AFF3: variants seen among roughly 807,000 people sequenced by gnomAD.
AFF3 encodes AF4/FMR2 family member 3.
In AFF3, 32 loss-of-function variants were observed where a neutral mutation model predicts 129.7. That is an observed-to-expected ratio of 0.25 (90% CI 0.19 to 0.33). The LOEUF (loss-of-function observed/expected upper bound fraction) is 0.33, where lower values mean the gene tolerates loss of function less well. AFF3 is among the 10% of genes least tolerant of loss of function. The probability of loss-of-function intolerance (pLI) is 1.00; values close to 1 mark genes in which losing one functional copy is unlikely to be tolerated. For synonymous variants in AFF3, 644 were observed against 635.4 expected, an observed-to-expected ratio of 1.01 and a Z score of -0.20; for missense variants, 1,373 against 1,592.0, an observed-to-expected ratio of 0.86 and a Z score of 2.34.
intron 7 of AFF3, among the ~76,000 whole-genome samples, chr2:99,929,607 A>G (rs1297697485): frequency 3.9e-5 from 6 of 152,198 alleles, no homozygotes; most frequent in South Asian, 2.1e-4. Flanking sequence ...TATTCAACAC[A>G]TATCTTTTTA....
In AFF3 at chr2:99,671,791, GA is replaced by G. The variant is rs554298208; in HGVS notation, c.1143+746del. Among the ~76,000 whole-genome samples the G allele has an allele frequency of 2.0e-5, 3 of 152,274 alleles. No homozygotes were observed. The East Asian group carries it at 5.8e-4, about 29-fold the overall frequency. ...ATGAGAAAAAGAAAACAGAAGTGTA[GA>G]AAAATCTGTCTTTAGTGTTTTTAAA... On this transcript the variant is annotated intron_variant, in intron 12 of 24. Coordinates refer to ENST00000672756, the MANE Select transcript of AFF3 (RefSeq NM_001386135.1).
chr2:99,801,862 A>G (rs1685969417), intron 8 of AFF3, among the ~76,000 whole-genome samples: 1 of 152,188 alleles, frequency 6.6e-6, no homozygotes, highest in Non-Finnish European at 1.5e-5. Flanking sequence ...GCCAAGTTCC[A>G]TTATTTTCTG....
At chr2:100,020,304 A>G (rs1176181091) in intron 4 of AFF3, among the ~76,000 whole-genome samples, 1 of 151,482 alleles carries the variant, frequency 6.6e-6, no homozygotes, top group African/African-American at 2.4e-5. Flanking sequence ...TCTGCTTGCC[A>G]TTTTTCCCTC....
At chr2:99,870,306 T>C (rs1379106385) in intron 7 of AFF3, among the ~76,000 whole-genome samples, 1 of 152,226 alleles carries the variant, frequency 6.6e-6, no homozygotes, top group Non-Finnish European at 1.5e-5. Context: ...GTTGGCTATC[T>C]GGACAACCTG....
At chr2:99,739,253 T>C (rs996362739) in intron 10 of AFF3, among the ~76,000 whole-genome samples, 1 of 152,070 alleles carries the variant, frequency 6.6e-6, no homozygotes, top group African/African-American at 2.4e-5. Context: ...CTAAAACTTG[T>C]TCCTGTCTGA....
chr2:99,988,414 C>T (rs1326750866), intron 7 of AFF3, among the ~76,000 whole-genome samples: 1 of 152,098 alleles, frequency 6.6e-6, no homozygotes, highest in Non-Finnish European at 1.5e-5. Context: ...GTATAGTGTA[C>T]CTGGCACAGC....
intron 7 of AFF3, among the ~76,000 whole-genome samples, chr2:99,961,675 C>T (rs1464935613): frequency 6.6e-6 from 1 of 152,266 alleles, no homozygotes; most frequent in East Asian, 1.9e-4. Context: ...GAAAATACCA[C>T]AAGGGGCAGC....
At chr2:99,554,067 G>T (rs1035138265) in intron 24 of AFF3, among the ~76,000 whole-genome samples, 1 of 152,158 alleles carries the variant, frequency 6.6e-6, no homozygotes, top group African/African-American at 2.4e-5. Flanking sequence ...AACAACAGGG[G>T]AATGGTTTGA....
chr2:99,871,803 G>A (rs547964905), intron 7 of AFF3, among the ~76,000 whole-genome samples: 8 of 152,198 alleles, frequency 5.3e-5, no homozygotes, highest in African/African-American at 1.9e-4. Context: ...TGGGTGATGG[G>A]TTTAGTTGCA....
chr2:99,701,982 A>G (rs1428915203), intron 11 of AFF3, among the ~76,000 whole-genome samples: 2 of 152,222 alleles, frequency 1.3e-5, no homozygotes. Context: ...TCCAAGTTGT[A>G]TGTATTAACC....
At chr2:99,961,827 A>G (rs1430012912) in intron 7 of AFF3, among the ~76,000 whole-genome samples, 1 of 152,234 alleles carries the variant, frequency 6.6e-6, no homozygotes, top group Admixed American at 6.5e-5. Flanking sequence ...CGGTAAGTGC[A>G]TTCCTTCTGC....
At chr2:99,866,639 C>A (rs1373446646) in intron 7 of AFF3, among the ~76,000 whole-genome samples, 2 of 152,068 alleles carry the variant, frequency 1.3e-5, no homozygotes, top group Non-Finnish European at 2.9e-5. Flanking sequence ...CTGGGTCACG[C>A]TGGGTCATGG....
At chr2:99,644,052 C>A (rs559269709) in intron 13 of AFF3, among the ~76,000 whole-genome samples, 2 of 152,334 alleles carry the variant, frequency 1.3e-5, no homozygotes, top group South Asian at 2.1e-4. Context: ...AGCCCCAGCA[C>A]AGCACCCCAC....
At chr2:100,114,372 T>C (rs1253271291) in intron 2 of AFF3, among the ~76,000 whole-genome samples, 2 of 152,214 alleles carry the variant, frequency 1.3e-5, no homozygotes, top group Non-Finnish European at 2.9e-5. Flanking sequence ...CACAGGCTCA[T>C]GAAGCCAGCC....
intron 7 of AFF3, among the ~76,000 whole-genome samples, chr2:99,916,556 G>A (rs958229615): frequency 6.6e-6 from 1 of 152,132 alleles, no homozygotes; most frequent in African/African-American, 2.4e-5. Flanking sequence ...GATGGAGAGA[G>A]GCCTAAAAGT....
intron 8 of AFF3, among the ~76,000 whole-genome samples, chr2:99,786,111 ACTCT>A (rs1488443231): frequency 6.6e-6 from 1 of 152,142 alleles, no homozygotes; most frequent in East Asian, 1.9e-4. Context: ...TTGAGTGCGG[ACTCT>A]CAAATCTTGC....
chr2:100,030,049 A>G (rs1236053376), intron 4 of AFF3, among the ~76,000 whole-genome samples: 1 of 150,198 alleles, frequency 6.7e-6, no homozygotes, highest in Non-Finnish European at 1.5e-5. Flanking sequence ...CCTGGGCGAG[A>G]GAGCAAGACT....
chr2:99,971,901 G>C lies in AFF3; in HGVS notation c.873+34731C>G, dbSNP rs549731262. On this transcript the variant is annotated intron_variant, in intron 7 of 24. Transcript: ENST00000672756. ...CAGAAAAAAAAGAAAAATTTGAACT[G>C]ATGTCCTCTGTCTAAATCATGAATA... is the stretch of plus-strand genomic sequence containing the variant. Among the ~76,000 whole-genome samples, 4 of 152,270 alleles carry C rather than the reference G, an allele frequency of 2.6e-5. No homozygotes were observed. In the South Asian group the frequency reaches 6.2e-4, roughly 24 times the overall value.
chr2:99,640,160 G>A lies in AFF3; in HGVS notation c.1184+9466C>T, dbSNP rs948181789. Among the ~76,000 whole-genome samples, 9 of 152,282 alleles carry A rather than the reference G, an allele frequency of 5.9e-5. No individual in the cohort carries two copies. The South Asian group carries it at 1.7e-3, about 28-fold the overall frequency. ...AATAGGGATGGCGTGAGTAATAGAAGGGATATTTCTTAGGATTTGTTGATA... is the reference window on the plus strand; with the variant it reads ...AATAGGGATGGCGTGAGTAATAGAAAGGATATTTCTTAGGATTTGTTGATA... On this transcript the variant is annotated intron_variant, in intron 13 of 24. Transcript: ENST00000672756.
Sources: gnomAD v4.1 joint callset for allele counts (sites outside exome capture counted in the v4.1 genomes callset) on GRCh38, gnomAD v4.1.1 for gene constraint, MANE v1.5 for transcripts, NCBI Gene and HGNC (gene_info 2026-07-23, HGNC 2026-07-21) for gene names.